Variants in POLR2L observed in about 807,000 individuals in gnomAD.
POLR2L encodes RNA polymerase II, I and III subunit L, also known as DNA-directed RNA polymerases I, II, and III subunit RPABC5.
In POLR2L, 7 loss-of-function variants were observed where a neutral mutation model predicts 6.8. That is an observed-to-expected ratio of 1.03 (90% CI 0.59 to 1.94). The LOEUF is 1.94. POLR2L is among the 30% of genes most tolerant of loss of function. The pLI is 0.00. For synonymous variants in POLR2L, 59 were observed against 39.8 expected (o/e 1.48, Z -1.82); for missense variants, 93 against 86.7 (o/e 1.07, Z -0.29).
rs6591 is a variant in POLR2L, at chr11:840,363, C to G, written c.*9G>C. ...GGTCAGCACAGCGGGTGGGTGGGTT[C>G]CAGCGTGGTCACTTCTCCAGGGGTG... On this transcript the variant is annotated 3_prime_UTR_variant, in exon 2 of 2. Coordinates refer to ENST00000322028, the MANE Select transcript of POLR2L (RefSeq NM_021128.5). The G allele has an allele frequency of 6.4e-7, 1 of 1,562,802 alleles. No homozygotes were observed. The highest frequency in any genetic ancestry group is 1.1e-5 in the South Asian group (1 of 88,750).
At chr11:840,581 C>T (rs1053979593) in intron 1 of POLR2L, 101 bp from the exon 2 acceptor site, 14 of 728,036 alleles carry the variant, frequency 1.9e-5, no homozygotes, top group African/African-American at 3.5e-5. Context: ...TGGCCTCACC[C>T]CCCCCGCCAC....
rs1846926820 is a variant in POLR2L, at chr11:840,332, GC to G, written c.*39del. On this transcript the variant is annotated 3_prime_UTR_variant, in exon 2 of 2. Coordinates refer to ENST00000322028, the MANE Select transcript of POLR2L (RefSeq NM_021128.5). ...GTGAATTCGGGGCAGGACGCTCAGG[GC>G]CCATGGTCAGCACAGCGGGTGGGTG... 7.5e-7 allele frequency: 1 copy of G among 1,325,520 alleles called. No homozygotes were observed. The highest frequency in any genetic ancestry group is 1.1e-6 in the Non-Finnish European group (1 of 934,628). The allele number at this position is 1,325,520 out of a possible 1,614,324, so 82.1% of individuals were successfully genotyped here.
intron 1 of POLR2L, among the ~76,000 whole-genome samples, chr11:841,264 AG>A (rs1394529673): frequency 1.3e-5 from 2 of 152,232 alleles, no homozygotes; most frequent in Non-Finnish European, 2.9e-5. Context: ...ACACAAGCCC[AG>A]GGCTTCACAT....
chr11:840,957 CAG>C (rs1252241556), intron 1 of POLR2L, among the ~76,000 whole-genome samples: 7 of 152,166 alleles, frequency 4.6e-5, no homozygotes, highest in Admixed American at 6.5e-5. Flanking sequence ...TTCCTTCCAT[CAG>C]AGAGAGACTG....
At chr11:840,601 G>T in intron 1 of POLR2L, 121 bp from the exon 2 acceptor site, 2 of 680,592 alleles carry the variant, frequency 2.9e-6, no homozygotes, top group Non-Finnish European at 5.2e-6. Flanking sequence ...CCGGCAAGGC[G>T]AACAGATTCA....
At position 840,314 on chromosome 11, in the gene POLR2L, CGGGGCAGGACGCTCA is replaced by C. The variant is rs761369636; in HGVS notation, c.*43_*57del. ...CCCGGATGCCTCAGCCTCGTGAATT[CGGGGCAGGACGCTCA>C]GGGCCCATGGTCAGCACAGCGGGTG... On this transcript the variant is annotated 3_prime_UTR_variant, in exon 2 of 2. Coordinates refer to ENST00000322028, the MANE Select transcript of POLR2L (RefSeq NM_021128.5). 1 of 1,122,004 alleles carries C rather than the reference CGGGGCAGGACGCTCA, an allele frequency of 8.9e-7. No homozygotes were observed. 69.5% of individuals were successfully genotyped at this position (1,122,004 alleles called of 1,614,324 possible). A position where few individuals can be genotyped will look rare whatever the true frequency, so the allele number is the denominator to read the frequency against.
intron 1 of POLR2L, 58 bp downstream of exon 1, chr11:842,349 TCAGCCCC>T (rs1846996618): frequency 8.0e-6 from 10 of 1,250,098 alleles, no homozygotes; most frequent in African/African-American, 6.3e-5. Flanking sequence ...CAGGGCGGAC[TCAGCCCC>T]CAGCCCCGGC....
chr11:842,528 C>G lies in POLR2L; in HGVS notation c.-20G>C. On this transcript the variant is annotated 5_prime_UTR_variant, in exon 1 of 2. Coordinates refer to ENST00000322028, the MANE Select transcript of POLR2L (RefSeq NM_021128.5). ...GATCATGGCGGCGGCGCGTCCCAGA[C>G]TGCCCGGCCCGGCCCGGCCGCACGC... is the stretch of plus-strand genomic sequence containing the variant. 4.5e-6 allele frequency: 7 copies of G among 1,562,156 alleles called. No homozygotes were observed. The highest frequency in any genetic ancestry group is 6.1e-6 in the Non-Finnish European group (7 of 1,155,398).
Position 840,319 on chromosome 11 carries a change from C to T in POLR2L, c.*53G>A, listed in dbSNP as rs3059. ...ATGCCTCAGCCTCGTGAATTCGGGG[C>T]AGGACGCTCAGGGCCCATGGTCAGC... On this transcript the variant is annotated 3_prime_UTR_variant, in exon 2 of 2. Coordinates refer to ENST00000322028, the MANE Select transcript of POLR2L (RefSeq NM_021128.5). 801,468 of 1,187,122 alleles carry T rather than the reference C, an allele frequency of 0.68. 275,643 individuals are homozygous for T. Among genetic ancestry groups the T allele is most frequent in the East Asian group, 0.89 (36,458 of 41,110 alleles). 73.5% of individuals were successfully genotyped at this position (1,187,122 alleles called of 1,614,324 possible).
intron 1 of POLR2L, among the ~76,000 whole-genome samples, chr11:841,154 G>GA (rs1846954927): frequency 6.6e-6 from 1 of 152,252 alleles, no homozygotes; most frequent in African/African-American, 2.4e-5. Context: ...CCTATCCGGG[G>GA]AAAGGGTCTG....
chr11:842,225 G>A (rs906916069), intron 1 of POLR2L, among the ~76,000 whole-genome samples, 189 bp downstream of exon 1: 11 of 152,346 alleles, frequency 7.2e-5, no homozygotes, highest in African/African-American at 2.4e-4. Context: ...GACTTCAGGG[G>A]ATAAGGTTCT....
chr11:840,522 G>A lies in POLR2L; in HGVS notation c.96-42C>T, dbSNP rs764548424. 1.5e-5 allele frequency: 20 copies of A among 1,369,454 alleles called. 1 individual carries two copies. The highest frequency in any genetic ancestry group is 9.2e-5 in the South Asian group (8 of 87,008). 84.8% of individuals were successfully genotyped at this position (1,369,454 alleles called of 1,614,324 possible). A position where few individuals can be genotyped will look rare whatever the true frequency, so the allele number is the denominator to read the frequency against. On this transcript the variant is annotated intron_variant, in intron 1 of 1. Transcript: ENST00000322028. ...AGCAGAGGCCAACTGAGTTCTCTACGGTCTGCAAAGGCCTGGAGCCCACAT... is the reference window on the plus strand; with the variant it reads ...AGCAGAGGCCAACTGAGTTCTCTACAGTCTGCAAAGGCCTGGAGCCCACAT...
At chr11:842,072 A>G (rs1012663089) in intron 1 of POLR2L, among the ~76,000 whole-genome samples, 1 of 148,052 alleles carries the variant, frequency 6.8e-6, no homozygotes. Context: ...TTTGCAGGAC[A>G]TGGGGTGGGC....
intron 1 of POLR2L, 151 bp downstream of exon 1, chr11:842,263 G>A (rs1342066992): frequency 4.0e-5 from 19 of 480,322 alleles, no homozygotes; most frequent in Non-Finnish European, 6.2e-5. Flanking sequence ...GAGCGGGGCT[G>A]GAGAAGCCGG....
intron 1 of POLR2L, among the ~76,000 whole-genome samples, chr11:841,335 C>G (rs539246902): frequency 9.2e-5 from 14 of 152,204 alleles, no homozygotes; most frequent in Admixed American, 2.6e-4. Flanking sequence ...ACTCAGGCAC[C>G]GTGGTGACAG....
chr11:840,661 TG>T (rs1282167691), intron 1 of POLR2L, among the ~76,000 whole-genome samples, 181 bp from the exon 2 acceptor site: 1 of 152,278 alleles, frequency 6.6e-6, no homozygotes, highest in Admixed American at 6.5e-5. Context: ...TGGAGTAACC[TG>T]GAAATGCCCA....
Position 840,580 on chromosome 11 carries a change from C to A in POLR2L, c.96-100G>T, listed in dbSNP as rs34789402. 124 of 598,786 alleles carry A rather than the reference C, an allele frequency of 2.1e-4. No individual in the cohort carries two copies. In the African/African-American group the frequency reaches 3.8e-3, roughly 19 times the overall value. 37.1% of individuals were successfully genotyped at this position (598,786 alleles called of 1,614,324 possible). ...GCCTCTCACTGCCTGCTGGCCTCAC[C>A]CCCCCCGCCACCGGCAAGGCGAACA... On this transcript the variant is annotated intron_variant, in intron 1 of 1. Transcript: ENST00000322028.
chr11:842,311 G>C (rs1846994445), intron 1 of POLR2L, 103 bp downstream of exon 1: 1 of 745,624 alleles, frequency 1.3e-6, no homozygotes, highest in African/African-American at 1.9e-5. Flanking sequence ...CTCAGGCAGC[G>C]CTGCGCCTCC....
Position 840,231 on chromosome 11 carries a change from T to G in POLR2L, c.*141A>C. 1 of 642,194 alleles carries G rather than the reference T, an allele frequency of 1.6e-6. No individual in the cohort carries two copies. Among genetic ancestry groups the G allele is most frequent in the Non-Finnish European group, 2.8e-6 (1 of 360,330 alleles). The allele number at this position is 642,194 out of a possible 1,614,324, so 39.8% of individuals were successfully genotyped here. ...GTTCTGAAAGACCTTTACTGGATGGTTCCTTCCAGAGTGGGGTATCGGATA... is the reference window on the plus strand; with the variant it reads ...GTTCTGAAAGACCTTTACTGGATGGGTCCTTCCAGAGTGGGGTATCGGATA... On this transcript the variant is annotated 3_prime_UTR_variant, in exon 2 of 2. Transcript: ENST00000322028.
Sources: allele counts gnomAD v4.1 joint callset (sites outside exome capture counted in the v4.1 genomes callset), GRCh38; gene constraint gnomAD v4.1.1; transcripts MANE v1.5; gene names NCBI Gene and HGNC (gene_info 2026-07-23, HGNC 2026-07-21).